Variants in DGAT1 observed in about 807,000 individuals in gnomAD.
DGAT1 encodes ACAT related gene product 1.
In DGAT1, 60 loss-of-function variants were observed where a neutral mutation model predicts 72.6. The observed-to-expected ratio is 0.83, with a 90% CI of 0.67 to 1.02. The LOEUF (loss-of-function observed/expected upper bound fraction) is 1.02. Among genes scored for constraint, DGAT1 ranks in the 50% least tolerant of loss-of-function variants. DGAT1 has a pLI of 0.00. For missense variants in DGAT1, 592 were observed against 670.0 expected, an observed-to-expected ratio of 0.88 and a Z score of 1.29; for synonymous variants, 290 against 267.5, an observed-to-expected ratio of 1.08 and a Z score of -0.82.
rs1033505895 is a variant in DGAT1 at position 144,326,826 on chromosome 8, G to A, written c.-190C>T. 5 of 307,608 alleles carry A rather than the reference G, an allele frequency of 1.6e-5. No individual in the cohort carries two copies. The highest frequency in any genetic ancestry group is 1.4e-4 in the South Asian group (1 of 7,084). The allele number at this position is 307,608 out of a possible 1,614,324, so 19.1% of individuals were successfully genotyped here. A position where few individuals can be genotyped will look rare whatever the true frequency, so the allele number is the denominator to read the frequency against. On this transcript the variant is annotated 5_prime_UTR_variant, in exon 1 of 17. Coordinates refer to ENST00000528718, the MANE Select transcript of DGAT1 (RefSeq NM_012079.6). Reference sequence around the variant, plus strand: ...CGGGCCCGTCGGCCTCAAGGACAACGGCTGCGTTGCTCCGGAGCCGCTAAC... The same window carrying A: ...CGGGCCCGTCGGCCTCAAGGACAACAGCTGCGTTGCTCCGGAGCCGCTAAC...
At position 144,318,707 on chromosome 8, in the gene DGAT1, G is replaced by C; in HGVS notation, c.460C>G (p.Leu154Val). 1 of 1,608,810 alleles carries C rather than the reference G, an allele frequency of 6.2e-7. No homozygotes were observed. Among genetic ancestry groups the C allele is most frequent in the Non-Finnish European group, 8.5e-7 (1 of 1,178,078 alleles). Residue 154 changes from leucine (L) to valine (V), a missense_variant, in exon 5 of 17, where the codon CTG (leucine) becomes GTG (valine). Transcript: ENST00000528718. ...AVAAFQVEKR[L>V]AVGALTEQAG... ...TGAGGGGCACTGCTTACCACCGCCA[G>C]GCGCTTCTCAACCTGGAATGCAGCC...
chr8:144,318,867 G>A lies in DGAT1; in HGVS notation c.383C>T (p.Pro128Leu), dbSNP rs782328055. Residue 128 changes from proline (P) to leucine (L), a missense_variant, in exon 4 of 17, where the codon CCC becomes CTC. Coordinates refer to ENST00000528718, the MANE Select transcript of DGAT1 (RefSeq NM_012079.6). ...CAGGCATGGGGCGGGCCAGCTATAG[G>A]GATCCTTCAGGAACAGAGAAACCAC... Reference protein sequence around the residue: ...IQVVSLFLKDPYSWPAPCLVI... With the variant: ...IQVVSLFLKDLYSWPAPCLVI... 6.2e-7 allele frequency: 1 copy of A among 1,612,318 alleles called. No individual in the cohort carries two copies. The highest frequency in any genetic ancestry group is 8.5e-7 in the Non-Finnish European group (1 of 1,179,214).
chr8:144,325,589 G>C (rs1476089645), intron 1 of DGAT1, among the ~76,000 whole-genome samples: 3 of 152,230 alleles, frequency 2.0e-5, no homozygotes, highest in African/African-American at 7.2e-5. Flanking sequence ...GATGGAGGGT[G>C]GCAAGGGGAT....
rs1554847392 is a variant in DGAT1, at chr8:144,317,782, A to G, written c.894+2T>C. On this transcript the variant is annotated splice_donor_variant, in intron 10 of 16. Transcript: ENST00000528718. LOFTEE classifies it high-confidence loss of function. ...CACCCAACCCTGCCCTACCCCACTTACCTGCTGGATCAGCCCCACCTGGAG... is the reference window on the plus strand; with the variant it reads ...CACCCAACCCTGCCCTACCCCACTTGCCTGCTGGATCAGCCCCACCTGGAG... The G allele has an allele frequency of 6.2e-7, 1 of 1,612,918 alleles. No individual in the cohort carries two copies. The highest frequency in any genetic ancestry group is 2.2e-5 in the East Asian group (1 of 44,868).
chr8:144,316,426 G>A lies in DGAT1; in HGVS notation c.*128C>T. 6 of 1,196,780 alleles carry A rather than the reference G, an allele frequency of 5.0e-6. No homozygotes were observed. Among genetic ancestry groups the A allele is most frequent in the Non-Finnish European group, 5.7e-6 (5 of 875,452 alleles). The allele number at this position is 1,196,780 out of a possible 1,614,324, so 74.1% of individuals were successfully genotyped here. On this transcript the variant is annotated 3_prime_UTR_variant, in exon 17 of 17. Coordinates refer to ENST00000528718, the MANE Select transcript of DGAT1 (RefSeq NM_012079.6). ...GACAGAGCCCCATAGGGGCAGAGAG[G>A]CCTCCCTGGGACCAGAGGAGGATGC...
At chr8:144,322,919 A>C (rs1554848344) in intron 1 of DGAT1, among the ~76,000 whole-genome samples, 2 of 152,042 alleles carry the variant, frequency 1.3e-5, no homozygotes, top group Admixed American at 1.3e-4. Flanking sequence ...TCATCTCCCC[A>C]GCCTACTCCA....
At chr8:144,320,717 C>G (rs1817427539) in intron 2 of DGAT1, among the ~76,000 whole-genome samples, 1 of 152,118 alleles carries the variant, frequency 6.6e-6, no homozygotes, top group South Asian at 2.1e-4. Context: ...GGTAGCAGGC[C>G]TTGGACGTGG....
chr8:144,320,680 G>A (rs187437851), intron 2 of DGAT1, among the ~76,000 whole-genome samples: 93 of 152,076 alleles, frequency 6.1e-4, no homozygotes, highest in South Asian at 1.5e-3. Flanking sequence ...CCCACCCCAC[G>A]AAGTGCCAGT....
Position 144,315,528 on chromosome 8 carries a change from A to G in DGAT1, c.*1026T>C. The stretch of plus-strand genomic sequence containing the variant: ...GGTCCAGTCTTGGGGTCTTTAATCA[A>G]GCAGTCACCCCAGCAAGGTAAGGCA... On this transcript the variant is annotated 3_prime_UTR_variant, in exon 17 of 17. Transcript: ENST00000528718. The G allele has an allele frequency of 1.0e-6, 1 of 985,494 alleles. No individual in the cohort carries two copies. The highest frequency in any genetic ancestry group is 4.7e-5 in the South Asian group (1 of 21,288). 61.0% of individuals were successfully genotyped at this position (985,494 alleles called of 1,614,324 possible).
intron 1 of DGAT1, 95 bp from the exon 2 acceptor site, chr8:144,321,503 GC>G: frequency 9.2e-7 from 1 of 1,088,242 alleles, no homozygotes; most frequent in Non-Finnish European, 1.4e-6. Context: ...GTCCTCGTCT[GC>G]CCTCAGGCCC....
chr8:144,320,700 GC>G (rs1212648641), intron 2 of DGAT1, among the ~76,000 whole-genome samples: 1 of 152,086 alleles, frequency 6.6e-6, no homozygotes, highest in Admixed American at 6.5e-5. Context: ...TGGGAACCAG[GC>G]CCAGAGGTAG....
chr8:144,319,099 C>G (rs1554847815), intron 2 of DGAT1, 31 bp from the exon 3 acceptor site: 1 of 1,551,340 alleles, frequency 6.4e-7, no homozygotes. Context: ...GGTGCAGCCC[C>G]TTTAGTCCTG....
rs782709778 is a variant in DGAT1, at chr8:144,315,274, C to G, written c.*1280G>C. ...CCCATCCCCCCACCAGGAGCTCACC[C>G]ACTACTGCCATCCTCAGCAGGGCCC... On this transcript the variant is annotated 3_prime_UTR_variant, in exon 17 of 17. Coordinates refer to ENST00000528718, the MANE Select transcript of DGAT1 (RefSeq NM_012079.6). The G allele has an allele frequency of 2.4e-5, 24 of 985,502 alleles. No individual in the cohort carries two copies. The highest frequency in any genetic ancestry group is 2.9e-5 in the Non-Finnish European group (24 of 829,972). 61.0% of individuals were successfully genotyped at this position (985,502 alleles called of 1,614,324 possible).
chr8:144,319,095 G>GC (rs781787660), intron 2 of DGAT1, 27 bp from the exon 3 acceptor site: 3 of 1,551,518 alleles, frequency 1.9e-6, no homozygotes, highest in Admixed American at 2.0e-5. Context: ...GGAGGGTGCA[G>GC]CCCCTTTAGT....
chr8:144,323,768 C>T (rs1554848454), intron 1 of DGAT1, among the ~76,000 whole-genome samples: 1 of 152,244 alleles, frequency 6.6e-6, no homozygotes, highest in African/African-American at 2.4e-5. Context: ...CACCCGCCAC[C>T]CTGTCTCCAG....
In DGAT1 at chr8:144,317,833, A is replaced by T; in HGVS notation, c.856-11T>A. On this transcript the variant is annotated splice_polypyrimidine_tract_variant and intron_variant, in intron 9 of 16. Coordinates refer to ENST00000528718, the MANE Select transcript of DGAT1 (RefSeq NM_012079.6). ...CTGGGTGAAGAACAGCTGGGGGGGA[A>T]ACAGAGAGCAGCCAGCTGAGGCCCT... The T allele has an allele frequency of 1.2e-6, 2 of 1,609,686 alleles. No homozygotes were observed. The highest frequency in any genetic ancestry group is 4.5e-5 in the East Asian group (2 of 44,830).
In DGAT1 at chr8:144,314,930, G is replaced by A; in HGVS notation, c.*1624C>T. 1 of 986,100 alleles carries A rather than the reference G, an allele frequency of 1.0e-6. No individual in the cohort carries two copies. The highest frequency in any genetic ancestry group is 1.2e-6 in the Non-Finnish European group (1 of 830,460). 61.1% of individuals were successfully genotyped at this position (986,100 alleles called of 1,614,324 possible). A position where few individuals can be genotyped will look rare whatever the true frequency, so the allele number is the denominator to read the frequency against. Reference sequence around the variant, plus strand: ...GACCAGGGGTGGGCGCCTCACCTTGGCCCTGGGGGTCTCTGGTTGTCACAG... The same window carrying A: ...GACCAGGGGTGGGCGCCTCACCTTGACCCTGGGGGTCTCTGGTTGTCACAG... On this transcript the variant is annotated 3_prime_UTR_variant, in exon 17 of 17. Transcript: ENST00000528718.
At chr8:144,320,524 A>G (rs1428701091) in intron 2 of DGAT1, among the ~76,000 whole-genome samples, 1 of 152,100 alleles carries the variant, frequency 6.6e-6, no homozygotes. Flanking sequence ...CCAGAGATAG[A>G]CACGCCTGGG....
Position 144,315,121 on chromosome 8 carries a change from G to A in DGAT1, c.*1433C>T, listed in dbSNP as rs1342203526. The A allele has an allele frequency of 9.1e-6, 9 of 985,450 alleles. No individual in the cohort carries two copies. Among genetic ancestry groups the A allele is most frequent in the African/African-American group, 1.7e-5 (1 of 57,244 alleles). 61.0% of individuals were successfully genotyped at this position (985,450 alleles called of 1,614,324 possible). A position where few individuals can be genotyped will look rare whatever the true frequency, so the allele number is the denominator to read the frequency against. On this transcript the variant is annotated 3_prime_UTR_variant, in exon 17 of 17. Transcript: ENST00000528718. ...CAGCCTGGTGGAGGAAGGGAAGGGGGCCTGCGCTGGGCAGTGGAGCAGGCT... is the reference window on the plus strand; with the variant it reads ...CAGCCTGGTGGAGGAAGGGAAGGGGACCTGCGCTGGGCAGTGGAGCAGGCT...
Sources: gnomAD v4.1 joint callset for allele counts (sites outside exome capture counted in the v4.1 genomes callset) on GRCh38, gnomAD v4.1.1 for gene constraint, MANE v1.5 for transcripts, NCBI Gene and HGNC (gene_info 2026-07-23, HGNC 2026-07-21) for gene names.